UGT3A2: variants seen among roughly 807,000 people sequenced by gnomAD.
The protein encoded by UGT3A2 is UDP glycosyltransferase family 3 member A2, also known as UDP-glycosyltransferase 3A2.
Under a neutral mutation model 39.8 loss-of-function variants are expected in UGT3A2, and 32 were observed. That is an observed-to-expected ratio of 0.80 (90% confidence interval 0.61 to 1.08). UGT3A2 has a LOEUF of 1.08. Ranked by LOEUF, UGT3A2 falls within the 50% of genes least tolerant of loss-of-function variation. The pLI is 0.00. For missense variants in UGT3A2, 611 were observed against 637.1 expected (o/e 0.96, Z 0.44); for synonymous variants, 241 against 230.7 (o/e 1.04, Z -0.40).
At chr5:36,053,865 A>G (rs893694718) in intron 2 of UGT3A2, among the ~76,000 whole-genome samples, 17 of 152,138 alleles carry the variant, frequency 1.1e-4, no homozygotes, top group African/African-American at 4.1e-4. Flanking sequence ...CCAACAGGCA[A>G]TCACATCACT....
chr5:36,055,957 A>G (rs1393286326), intron 2 of UGT3A2, among the ~76,000 whole-genome samples: 1 of 151,942 alleles, frequency 6.6e-6, no homozygotes, highest in Non-Finnish European at 1.5e-5. Context: ...CATCTTTTCC[A>G]TGTTTTCCTT....
At chr5:36,065,677 T>C (rs1404476324) in intron 1 of UGT3A2, among the ~76,000 whole-genome samples, 2 of 152,102 alleles carry the variant, frequency 1.3e-5, no homozygotes, top group South Asian at 2.1e-4. Flanking sequence ...AGAGTGGAAG[T>C]TGTGGTGAGC....
At chr5:36,052,006 A>G in intron 2 of UGT3A2, 22 bp from the exon 3 acceptor site, 1 of 1,375,792 alleles carries the variant, frequency 7.3e-7, no homozygotes, top group Non-Finnish European at 9.9e-7. Context: ...GCAACGGGTT[A>G]AAAAAAAAGT....
At chr5:36,036,850 T>G (rs1741846761) in intron 6 of UGT3A2, among the ~76,000 whole-genome samples, 1 of 152,214 alleles carries the variant, frequency 6.6e-6, no homozygotes, top group Admixed American at 6.5e-5. Context: ...CTCTAATAAA[T>G]TATTCAGTCC....
At position 36,039,556 on chromosome 5, in the gene UGT3A2, C is replaced by A; in HGVS notation, c.996G>T (p.Gln332His). Reference sequence around the variant, plus strand: ...GGACATCTTTGGGCCAATGAGAACACTGACACTTCCATATCACCCCTTGGG... The same window carrying A: ...GGACATCTTTGGGCCAATGAGAACAATGACACTTCCATATCACCCCTTGGG... ...HLPQGVIWKC[Q>H]CSHWPKDVHL... Residue 332 changes from glutamine (Q) to histidine (H), a missense_variant, in exon 5 of 7, where the codon CAG becomes CAT. Transcript: ENST00000282507. 6.2e-7 allele frequency: 1 copy of A among 1,614,194 alleles called. No individual in the cohort carries two copies. Among genetic ancestry groups the A allele is most frequent in the Non-Finnish European group, 8.5e-7 (1 of 1,180,032 alleles).
At chr5:36,042,375 A>C (rs1279685081) in intron 4 of UGT3A2, among the ~76,000 whole-genome samples, 2 of 152,180 alleles carry the variant, frequency 1.3e-5, no homozygotes, top group East Asian at 3.8e-4. Context: ...CAAATCACAA[A>C]ACTTAAAACA....
chr5:36,045,421 T>C (rs1056879007), intron 4 of UGT3A2, among the ~76,000 whole-genome samples: 2 of 151,942 alleles, frequency 1.3e-5, no homozygotes, highest in African/African-American at 2.4e-5. Context: ...CTGGCCAACA[T>C]GGTGAAACCC....
intron 6 of UGT3A2, 118 bp from the exon 7 acceptor site, chr5:36,036,092 C>T: frequency 1.6e-6 from 2 of 1,269,704 alleles, no homozygotes; most frequent in Non-Finnish European, 2.2e-6. Context: ...GTTGGCTTTG[C>T]AGTAATCTAC....
At chr5:36,065,355 G>A (rs1319596975) in intron 1 of UGT3A2, among the ~76,000 whole-genome samples, 1 of 152,132 alleles carries the variant, frequency 6.6e-6, no homozygotes, top group African/African-American at 2.4e-5. Flanking sequence ...TCTGCAACAG[G>A]TCTTGCTCAC....
At chr5:36,062,457 G>C (rs371167524) in intron 2 of UGT3A2, among the ~76,000 whole-genome samples, 8 of 151,796 alleles carry the variant, frequency 5.3e-5, no homozygotes, top group African/African-American at 1.9e-4. Flanking sequence ...AGCTTTCTAC[G>C]TATGGCTAGC....
chr5:36,040,007 A>G (rs1224981233), intron 4 of UGT3A2, among the ~76,000 whole-genome samples: 1 of 152,194 alleles, frequency 6.6e-6, no homozygotes, highest in African/African-American at 2.4e-5. Context: ...AGGTAATAGT[A>G]TCTGGAAGAG....
In UGT3A2 at chr5:36,035,866, C is replaced by T. The variant is rs373801136; in HGVS notation, c.1404G>A (p.Ala468=). Residue 468 remains alanine (A), a synonymous_variant, in exon 7 of 7, where the codon GCG becomes GCA. Coordinates refer to ENST00000282507, the MANE Select transcript of UGT3A2 (RefSeq NM_174914.4). ...WIDHVLQTGG[A]THLKPYVFQQ... ...GAAAGACATAGGGCTTGAGGTGCGT[C>T]GCGCCCCCTGTCTGGAGGACGTGGT... 3.7e-6 allele frequency: 6 copies of T among 1,614,030 alleles called. No homozygotes were observed. Among genetic ancestry groups the T allele is most frequent in the Admixed American group, 1.7e-5 (1 of 60,002 alleles).
intron 1 of UGT3A2, among the ~76,000 whole-genome samples, chr5:36,065,445 T>G (rs1442729871): frequency 6.6e-6 from 1 of 151,504 alleles, no homozygotes; most frequent in Non-Finnish European, 1.5e-5. Flanking sequence ...TCTTGGGGAG[T>G]CAGGTGGCTT....
chr5:36,036,493 G>C (rs1741835455), intron 6 of UGT3A2, among the ~76,000 whole-genome samples: 2 of 152,132 alleles, frequency 1.3e-5, no homozygotes, highest in African/African-American at 4.8e-5. Context: ...ATAATAAGAG[G>C]CTCCACACTT....
In UGT3A2 at chr5:36,059,101, C is replaced by CA. The variant is rs1742605168; in HGVS notation, c.196+5147_196+5148insT. 2.0e-5 allele frequency among the ~76,000 whole-genome samples: 3 copies of CA among 152,144 alleles called. No individual in the cohort carries two copies. The East Asian group carries it at 5.8e-4, about 29-fold the overall frequency. ...AGGGATAGATAAAGACTAGCAGAGA[C>CA]TAGCAGAAACTTGCAGGCACTGATA... On this transcript the variant is annotated intron_variant, in intron 2 of 6. Coordinates refer to ENST00000282507, the MANE Select transcript of UGT3A2 (RefSeq NM_174914.4).
intron 4 of UGT3A2, among the ~76,000 whole-genome samples, chr5:36,046,158 G>A (rs1215006172): frequency 1.3e-5 from 2 of 152,194 alleles, no homozygotes; most frequent in East Asian, 1.9e-4. Context: ...CACATTGTTT[G>A]TGGGAATTTA....
intron 1 of UGT3A2, among the ~76,000 whole-genome samples, chr5:36,066,346 A>G (rs1024598403): frequency 1.3e-5 from 2 of 152,176 alleles, no homozygotes; most frequent in East Asian, 3.9e-4. Flanking sequence ...CCGGAGCTTA[A>G]GGTGAGCCTC....
intron 6 of UGT3A2, among the ~76,000 whole-genome samples, chr5:36,036,569 T>C (rs1741838155): frequency 6.6e-6 from 1 of 152,226 alleles, no homozygotes; most frequent in Admixed American, 6.5e-5. Context: ...CTGAGGACCA[T>C]CCCAGCTCAG....
rs778227549 is a variant in UGT3A2 at position 36,049,133 on chromosome 5, C to G, written c.599G>C (p.Arg200Pro). The change falls in exon 4 of 7, where the codon CGA (arginine) becomes CCA (proline). Residue 200 changes from arginine (R) to proline (P), a missense_variant. Arg to Pro is a moderately radical substitution (Grantham distance 103). Coordinates refer to ENST00000282507, the MANE Select transcript of UGT3A2 (RefSeq NM_174914.4). ...LLTDHMDFWG[R>P]VKNFLMFFSF... ...AAAGAACATCAGAAAATTCTTCACT[C>G]GGCCCCAGAAGTCCATGTGATCAGT... 3 of 1,614,060 alleles carry G rather than the reference C, an allele frequency of 1.9e-6. No homozygotes were observed. In the African/African-American group the frequency reaches 4.0e-5, roughly 22 times the overall value.
Sources: allele counts gnomAD v4.1 joint callset (sites outside exome capture counted in the v4.1 genomes callset), GRCh38; gene constraint gnomAD v4.1.1; transcripts MANE v1.5; gene names NCBI Gene and HGNC (gene_info 2026-07-23, HGNC 2026-07-21).